KMT2C: variants seen among roughly 807,000 people sequenced by gnomAD.
KMT2C encodes the protein histone-lysine N-methyltransferase 2C.
A neutral mutation model predicts 507.9 loss-of-function variants in KMT2C; 88 were observed. The ratio of observed to expected loss-of-function variants is 0.17; its 90% CI spans 0.15 to 0.21. The LOEUF (loss-of-function observed/expected upper bound fraction) is 0.21. KMT2C is among the 10% of genes least tolerant of loss of function. The probability of loss-of-function intolerance (pLI) is 1.00; values close to 1 mark genes in which losing one functional copy is unlikely to be tolerated. For synonymous variants in KMT2C, 2,049 were observed against 2,080.8 expected (o/e 0.98, Z 0.42); for missense variants, 4,954 against 5,957.8 (o/e 0.83, Z 5.55).
intron 6 of KMT2C, among the ~76,000 whole-genome samples, chr7:152,276,272 G>C (rs996810591): frequency 4.6e-5 from 7 of 152,058 alleles, no homozygotes; most frequent in African/African-American, 1.4e-4. Flanking sequence ...CAAGTAAAAA[G>C]TACTTGTAAA....
intron 2 of KMT2C, among the ~76,000 whole-genome samples, chr7:152,356,906 T>TAAC (rs1462437613): frequency 7.4e-6 from 1 of 136,002 alleles, no homozygotes; most frequent in Non-Finnish European, 1.5e-5. Context: ...AGAATAATAA[T>TAAC]AATAATAATA....
intron 9 of KMT2C, among the ~76,000 whole-genome samples, chr7:152,259,137 G>A (rs574645218): frequency 3.2e-4 from 49 of 151,816 alleles, no homozygotes; most frequent in Non-Finnish European, 6.5e-4. Flanking sequence ...CAAGTATATC[G>A]AGAAGAACTC....
At chr7:152,196,032 T>A in intron 27 of KMT2C, 21 bp from the exon 28 acceptor site, 1 of 1,454,050 alleles carries the variant, frequency 6.9e-7, no homozygotes, top group East Asian at 2.3e-5. Context: ...TAAATATGTT[T>A]TTTAAAATTT....
chr7:152,324,217 GACCTATATTTTAAAAT>G (rs1232024991), intron 3 of KMT2C, among the ~76,000 whole-genome samples: 1 of 151,290 alleles, frequency 6.6e-6, no homozygotes, highest in Non-Finnish European at 1.5e-5. Context: ...ATAGCAGGGT[GACCTATATTTTAAAAT>G]AACTATTAGT....
At position 152,255,109 on chromosome 7, in the gene KMT2C, TTATATATATATATATATATATATA is replaced by T. The variant is rs1207305132; in HGVS notation, c.1300-2418_1300-2395del. ...AATCAAGATGTCAATCAACTCTCAC[TTATATATATATATATATATATATA>T]TATATATATATACATATATATATAT... is the stretch of plus-strand genomic sequence containing the variant. On this transcript the variant is annotated intron_variant, in intron 9 of 58. Transcript: ENST00000262189. Among the ~76,000 whole-genome samples, 13 of 78,344 alleles carry T rather than the reference TTATATATATATATATATATATATA, an allele frequency of 1.7e-4. 1 individual carries two copies. The highest frequency in any genetic ancestry group is 3.2e-4 in the Non-Finnish European group (12 of 37,268). 51.4% of individuals were successfully genotyped at this position (78,344 alleles called of 152,430 possible).
At chr7:152,427,003 G>GT (rs919172600) in intron 1 of KMT2C, among the ~76,000 whole-genome samples, 50 of 150,716 alleles carry the variant, frequency 3.3e-4, no homozygotes, top group East Asian at 1.2e-3. Flanking sequence ...ACTCCCCAGA[G>GT]TTTTTTTTTG....
At chr7:152,365,488 AGAGT>A (rs2097234994) in intron 1 of KMT2C, among the ~76,000 whole-genome samples, 4 of 152,220 alleles carry the variant, frequency 2.6e-5, no homozygotes, top group Admixed American at 2.0e-4. Context: ...CCTGGGCGGC[AGAGT>A]GAGACCCTGT....
Position 152,144,957 on chromosome 7 carries a change from G to C in KMT2C, c.14175-76C>G, listed in dbSNP as rs2129093040. 1 of 1,459,556 alleles carries C rather than the reference G, an allele frequency of 6.9e-7. No homozygotes were observed. Among genetic ancestry groups the C allele is most frequent in the South Asian group, 1.3e-5 (1 of 74,870 alleles). 90.4% of individuals were successfully genotyped at this position (1,459,556 alleles called of 1,614,324 possible). A position where few individuals can be genotyped will look rare whatever the true frequency, so the allele number is the denominator to read the frequency against. On this transcript the variant is annotated intron_variant, in intron 54 of 58. Coordinates refer to ENST00000262189, the MANE Select transcript of KMT2C (RefSeq NM_170606.3). The surrounding 1 kb of genome is among the most constrained non-coding windows in gnomAD (Gnocchi z 4.4). ...TACCTCTGAGTAATGCCCAAAACCA[G>C]GTTAATTCAGATTCTTACTGACAGA...
At chr7:152,235,506 G>T (rs1213747442) in intron 16 of KMT2C, among the ~76,000 whole-genome samples, 3 of 151,902 alleles carry the variant, frequency 2.0e-5, no homozygotes, top group Admixed American at 1.3e-4. Context: ...CTCATAACAT[G>T]ATAGTAAGCA....
intron 1 of KMT2C, chr7:152,367,358 A>T: frequency 1.3e-6 from 1 of 754,522 alleles, no homozygotes. Flanking sequence ...CACCCCAGGG[A>T]GCACCTACCA....
intron 6 of KMT2C, among the ~76,000 whole-genome samples, chr7:152,297,350 T>C (rs2096526190): frequency 6.6e-6 from 1 of 152,164 alleles, no homozygotes; most frequent in African/African-American, 2.4e-5. Flanking sequence ...CACAGAATGC[T>C]GAGAGGAGAC....
intron 48 of KMT2C, 46 bp from the exon 49 acceptor site, chr7:152,153,000 G>GTGAA (rs2129097845): frequency 1.2e-6 from 2 of 1,600,214 alleles, no homozygotes; most frequent in Non-Finnish European, 1.7e-6. Context: ...GAAGGCAACA[G>GTGAA]TGAACCACTG....
intron 28 of KMT2C, chr7:152,195,622 A>AG (rs1292149058): frequency 1.2e-6 from 1 of 818,998 alleles, no homozygotes; most frequent in Non-Finnish European, 1.5e-6. Flanking sequence ...GCAGGAAGTG[A>AG]GGGAAAATAC....
Position 152,249,904 on chromosome 7 carries a change from A to C in KMT2C, c.1785T>G (p.Ser595Arg). 1 of 1,606,970 alleles carries C rather than the reference A, an allele frequency of 6.2e-7. No homozygotes were observed. Among genetic ancestry groups the C allele is most frequent in the Non-Finnish European group, 8.5e-7 (1 of 1,173,964 alleles). The change falls in exon 13 of 59, where the codon AGT becomes AGG. Residue 595 changes from serine to arginine, a missense_variant. Coordinates refer to ENST00000262189, the MANE Select transcript of KMT2C (RefSeq NM_170606.3). ...CAATAAGAAGACTATCTGTGTCAAG[A>C]CTTTCTGAGGGATGACTCTTCTGTT... ...EEQQKSHPSESLDTDSLLIAV... is the reference protein window; with the variant it reads ...EEQQKSHPSERLDTDSLLIAV...
intron 4 of KMT2C, among the ~76,000 whole-genome samples, chr7:152,313,797 T>G (rs550119392): frequency 1.3e-5 from 2 of 152,252 alleles, no homozygotes; most frequent in East Asian, 3.9e-4. Flanking sequence ...TAAGTATATA[T>G]AAAGACTTTC....
At chr7:152,244,556 A>T (rs1292373786) in intron 14 of KMT2C, among the ~76,000 whole-genome samples, 6 of 152,196 alleles carry the variant, frequency 3.9e-5, no homozygotes, top group Non-Finnish European at 8.8e-5. Flanking sequence ...CTGAAAAATG[A>T]AATACTAAAT....
intron 24 of KMT2C, among the ~76,000 whole-genome samples, chr7:152,206,905 C>A (rs779049012): frequency 6.6e-6 from 1 of 152,042 alleles, no homozygotes; most frequent in Non-Finnish European, 1.5e-5. Flanking sequence ...TGCATAAACA[C>A]TGAAATAAGT....
At chr7:152,401,016 A>G (rs1450314319) in intron 1 of KMT2C, among the ~76,000 whole-genome samples, 1 of 152,188 alleles carries the variant, frequency 6.6e-6, no homozygotes, top group African/African-American at 2.4e-5. Context: ...AAGAAACAAT[A>G]CAAAGAAATG....
intron 6 of KMT2C, among the ~76,000 whole-genome samples, chr7:152,284,292 T>C (rs1191446246): frequency 3.3e-5 from 5 of 152,146 alleles, no homozygotes; most frequent in African/African-American, 1.2e-4. Flanking sequence ...AATACAGAAA[T>C]AGACTCACTT....
Sources: allele counts gnomAD v4.1 joint callset (sites outside exome capture counted in the v4.1 genomes callset), GRCh38; gene constraint gnomAD v4.1.1; non-coding constraint Gnocchi (gnomAD v3.1); transcripts MANE v1.5; gene names NCBI Gene and HGNC (gene_info 2026-07-23, HGNC 2026-07-21).